Variants in NCR1 observed in about 807,000 individuals in gnomAD.
NCR1 encodes the protein natural cytotoxicity triggering receptor 1.
Under a neutral mutation model 32.5 loss-of-function variants are expected in NCR1, and 30 were observed. The ratio of observed to expected loss-of-function variants is 0.92; its 90% CI spans 0.69 to 1.25. The LOEUF is 1.25. Ranked by LOEUF, NCR1 falls within the 50% of genes most tolerant of loss-of-function variation. The pLI, the probability that NCR1 is intolerant of heterozygous loss-of-function variation, is 0.00. For synonymous variants in NCR1, 169 were observed against 143.4 expected, an observed-to-expected ratio of 1.18 and a Z score of -1.28; for missense variants, 369 against 380.7, an observed-to-expected ratio of 0.97 and a Z score of 0.26.
At chr19:54,913,325 A>G (rs1205129579), downstream of NCR1, among the ~76,000 whole-genome samples, 4 of 152,122 alleles carry the variant, frequency 2.6e-5, no homozygotes, top group Non-Finnish European at 5.9e-5. Context: ...AAGGGCTGGG[A>G]TTACAGGCAT....
At chr19:54,906,007 C>T (rs587639698), upstream of NCR1, 2 of 725,732 alleles carry the variant, frequency 2.8e-6, no homozygotes, top group African/African-American at 3.5e-5. Flanking sequence ...GGACCACGGC[C>T]TTTCTGTAAG....
At chr19:54,899,050 G>A in the NCR1 span, among the ~76,000 whole-genome samples, 16 of 152,112 alleles carry the variant, frequency 1.1e-4, no homozygotes, top group African/African-American at 2.4e-4. Context: ...TGGGACTGAC[G>A]GGACAGGCGG....
In NCR1 at chr19:54,906,506, C is replaced by G. The variant is rs1305268674; in HGVS notation, c.71-17C>G. ...GAGGGGGCTCCGCTGGAACTCCAGC[C>G]TCTGATTCCCTTCCAGAGACTCTCC... On this transcript the variant is annotated splice_polypyrimidine_tract_variant and intron_variant, in intron 2 of 6. Coordinates refer to ENST00000291890, the MANE Select transcript of NCR1 (RefSeq NM_004829.7). 1.9e-6 allele frequency: 3 copies of G among 1,602,582 alleles called. No individual in the cohort carries two copies. The highest frequency in any genetic ancestry group is 2.5e-6 in the Non-Finnish European group (3 of 1,179,104).
the NCR1 span, among the ~76,000 whole-genome samples, chr19:54,929,123 C>CT: frequency 6.6e-6 from 1 of 152,128 alleles, no homozygotes; most frequent in East Asian, 1.9e-4. Context: ...AATCCCAGCA[C>CT]TTTGGGAGGT....
At chr19:54,930,575 T>C in the NCR1 span, 1 of 1,612,270 alleles carries the variant, frequency 6.2e-7, no homozygotes, top group East Asian at 2.2e-5. Context: ...ATCTGGTTGA[T>C]ACTCAAGTCC....
At chr19:54,922,484 A>C in the NCR1 span, among the ~76,000 whole-genome samples, 1 of 151,714 alleles carries the variant, frequency 6.6e-6, no homozygotes, top group African/African-American at 2.4e-5. Flanking sequence ...CTCACACAGA[A>C]ACAGACAGAC....
downstream of NCR1, among the ~76,000 whole-genome samples, chr19:54,919,881 A>G (rs983988001): frequency 3.9e-5 from 6 of 152,278 alleles, no homozygotes; most frequent in East Asian, 1.9e-4. Flanking sequence ...GTCCGGGCAT[A>G]ACAGAAGGCT....
upstream of NCR1, among the ~76,000 whole-genome samples, chr19:54,905,676 GA>G (rs2146025869): frequency 6.6e-6 from 1 of 152,270 alleles, no homozygotes; most frequent in South Asian, 2.1e-4. Flanking sequence ...GCCACAGACA[GA>G]AAAACAGGCA....
rs1269233708 is a variant in NCR1, at chr19:54,909,444, AGG to A, written c.557_558del (p.Gly186AspfsTer9). ...TGGGCCCTGTGACCACAGCCCACAG[AGG>A]GACATACCGATGTTTTGGCTCCTAT... ...PLGPVTTAHR[G>X]TYRCFGSYNN... On this transcript the variant is annotated frameshift_variant, in exon 4 of 7. Coordinates refer to ENST00000291890, the MANE Select transcript of NCR1 (RefSeq NM_004829.7). LOFTEE classifies it high-confidence loss of function. The A allele has an allele frequency of 1.2e-6, 2 of 1,612,816 alleles. No individual in the cohort carries two copies. The highest frequency in any genetic ancestry group is 1.7e-6 in the Non-Finnish European group (2 of 1,180,028).
At chr19:54,909,600 T>C (rs1334282741) in intron 4 of NCR1, 77 bp downstream of exon 4, 2 of 1,512,198 alleles carry the variant, frequency 1.3e-6, no homozygotes, top group East Asian at 4.6e-5. Context: ...CAGAGAGTGA[T>C]GGGGAGGGTG....
chr19:54,912,599 C>CA lies in NCR1; in HGVS notation c.734-52dup, dbSNP rs60025694. ...GGGCGACAAGACTGAGGCTCTGTCTCAAAAAAAAAAAAAAAAAAAAAAAAA... is the reference window on the plus strand; with the variant it reads ...GGGCGACAAGACTGAGGCTCTGTCTCAAAAAAAAAAAAAAAAAAAAAAAAAA... On this transcript the variant is annotated intron_variant, in intron 6 of 6. Transcript: ENST00000291890. 132 of 375,278 alleles carry CA rather than the reference C, an allele frequency of 3.5e-4. 3 individuals are homozygous for CA. The highest frequency in any genetic ancestry group is 5.8e-4 in the South Asian group (18 of 31,032). 23.2% of individuals were successfully genotyped at this position (375,278 alleles called of 1,614,324 possible).
Position 54,906,682 on chromosome 19 carries a change from G to A in NCR1, c.230G>A (p.Arg77Gln), listed in dbSNP as rs754829346. Residue 77 changes from arginine to glutamine, a missense_variant, in exon 3 of 7, where the codon CGG becomes CAG. Arg to Gln is a conservative substitution (Grantham distance 43). Coordinates refer to ENST00000291890, the MANE Select transcript of NCR1 (RefSeq NM_004829.7). ...FAVDRPKPPE[R>Q]INKVQFYIPD... Reference sequence around the variant, plus strand: ...GTGGACAGACCAAAACCCCCTGAGCGGATTAACAAAGTCCAATTCTACATC... The same window carrying A: ...GTGGACAGACCAAAACCCCCTGAGCAGATTAACAAAGTCCAATTCTACATC... 4 of 1,614,172 alleles carry A rather than the reference G, an allele frequency of 2.5e-6. No individual in the cohort carries two copies. The highest frequency in any genetic ancestry group is 2.2e-5 in the South Asian group (2 of 91,086).
the NCR1 span, among the ~76,000 whole-genome samples, chr19:54,928,637 G>A: frequency 6.6e-6 from 1 of 152,126 alleles, no homozygotes; most frequent in Non-Finnish European, 1.5e-5. Context: ...TTTGGAAAGT[G>A]ATATGAGGAA....
chr19:54,898,979 G>A, the NCR1 span, among the ~76,000 whole-genome samples: 3 of 152,008 alleles, frequency 2.0e-5, no homozygotes, highest in African/African-American at 4.8e-5. Context: ...TGGCGAGGAG[G>A]GGAGATGTCA....
chr19:54,916,316 G>GTTTTTTTTTTTTTTTTTTTT (rs2068130459), downstream of NCR1, among the ~76,000 whole-genome samples: 4 of 84,550 alleles, frequency 4.7e-5, no homozygotes, highest in Admixed American at 1.3e-4. Flanking sequence ...TGAATATTGT[G>GTTTTTTTTTTTTTTTTTTTT]CTTTTTTTTT....
At chr19:54,929,520 G>A in the NCR1 span, among the ~76,000 whole-genome samples, 1 of 152,104 alleles carries the variant, frequency 6.6e-6, no homozygotes, top group African/African-American at 2.4e-5. Context: ...CAAACTTTGG[G>A]GAGAGAAGTG....
At chr19:54,898,682 A>C in the NCR1 span, among the ~76,000 whole-genome samples, 3 of 152,204 alleles carry the variant, frequency 2.0e-5, no homozygotes, top group Non-Finnish European at 4.4e-5. Flanking sequence ...AAAGCGTCTC[A>C]GGGTTGCTGC....
the NCR1 span, among the ~76,000 whole-genome samples, chr19:54,900,890 C>T: frequency 6.6e-6 from 1 of 151,858 alleles, no homozygotes; most frequent in Non-Finnish European, 1.5e-5. Flanking sequence ...ACGGTTGCAC[C>T]AACTCCGTGA....
chr19:54,925,791 G>A, the NCR1 span, among the ~76,000 whole-genome samples: 1 of 152,122 alleles, frequency 6.6e-6, no homozygotes, highest in Non-Finnish European at 1.5e-5. Context: ...CTGAGGTCAG[G>A]AATTCGAGAC....
Sources: gnomAD v4.1 joint callset for allele counts (sites outside exome capture counted in the v4.1 genomes callset) on GRCh38, gnomAD v4.1.1 for gene constraint, MANE v1.5 for transcripts, NCBI Gene and HGNC (gene_info 2026-07-23, HGNC 2026-07-21) for gene names.